ANO3: variants seen among roughly 807,000 people sequenced by gnomAD.
The protein encoded by ANO3 is anoctamin 3.
Under a neutral mutation model 144.8 loss-of-function variants are expected in ANO3, and 99 were observed. That is an observed-to-expected ratio of 0.68 (90% CI 0.58 to 0.81). ANO3 has a LOEUF of 0.81. Among genes scored for constraint, ANO3 ranks in the 30% least tolerant of loss-of-function variants. The probability of loss-of-function intolerance (pLI) is 0.00; values close to 1 mark genes in which losing one functional copy is unlikely to be tolerated. For synonymous variants in ANO3, 414 were observed against 392.6 expected, an observed-to-expected ratio of 1.05 and a Z score of -0.64; for missense variants, 905 against 1,202.2, an observed-to-expected ratio of 0.75 and a Z score of 3.66.
Position 26,482,235 on chromosome 11 carries a change from A to G in ANO3, c.432+19087A>G, listed in dbSNP as rs151221510. On this transcript the variant is annotated intron_variant, in intron 4 of 26. Coordinates refer to ENST00000256737, the MANE Select transcript of ANO3 (RefSeq NM_031418.4). The stretch of plus-strand genomic sequence containing the variant: ...TTTTTTTTAATTTTATTATTATTAT[A>G]CTTTAAGTTTGAGGGTACATGTGCA... Among the ~76,000 whole-genome samples, 1,358 of 151,404 alleles carry G rather than the reference A, an allele frequency of 9.0e-3. 27 individuals carry two copies. The highest frequency in any genetic ancestry group is 0.031 in the African/African-American group (1,293 of 41,280).
rs1194539036 is a variant in ANO3 at position 26,487,198 on chromosome 11, T to C, written c.433-20906T>C. 2.6e-5 allele frequency among the ~76,000 whole-genome samples: 4 copies of C among 152,182 alleles called. 1 individual carries two copies. The highest frequency in any genetic ancestry group is 4.1e-4 in the South Asian group (2 of 4,828). ...GTGGGAGGGACCCAAGGGGAGGTAA[T>C]TGAATCATGGGGGCCAGTCTTTCCC... On this transcript the variant is annotated intron_variant, in intron 4 of 26. Coordinates refer to ENST00000256737, the MANE Select transcript of ANO3 (RefSeq NM_031418.4).
At chr11:26,291,073 CT>C (rs1445381012) in intron 1 of ANO3, among the ~76,000 whole-genome samples, 7 of 152,134 alleles carry the variant, frequency 4.6e-5, no homozygotes, top group Non-Finnish European at 1.0e-4. Flanking sequence ...TAAGGACTTG[CT>C]TTATGAATCT....
intron 1 of ANO3, among the ~76,000 whole-genome samples, chr11:26,399,061 T>G (rs555561073): frequency 5.1e-4 from 77 of 151,852 alleles, no homozygotes; most frequent in Non-Finnish European, 9.4e-4. Flanking sequence ...AGCTTGGAAT[T>G]TCACTCCTAT....
At chr11:26,236,565 T>A (rs1852527687) in intron 1 of ANO3, among the ~76,000 whole-genome samples, 1 of 152,254 alleles carries the variant, frequency 6.6e-6, no homozygotes, top group East Asian at 1.9e-4. Flanking sequence ...ATGCCTGTAA[T>A]CCCAGCACTT....
intron 14 of ANO3, chr11:26,567,058 C>T (rs910782425): frequency 6.6e-7 from 1 of 1,508,846 alleles, no homozygotes; most frequent in Non-Finnish European, 8.9e-7. Context: ...TTACAACAAT[C>T]CCTTGATGTG....
intron 1 of ANO3, among the ~76,000 whole-genome samples, chr11:26,212,903 T>C (rs1851963190): frequency 6.6e-6 from 1 of 152,084 alleles, no homozygotes. Flanking sequence ...GCGAATCAAA[T>C]CTAGCAGCAC....
At chr11:26,476,256 A>G (rs1343449496) in intron 4 of ANO3, among the ~76,000 whole-genome samples, 2 of 152,126 alleles carry the variant, frequency 1.3e-5, no homozygotes, top group African/African-American at 2.4e-5. Flanking sequence ...ACATATAATT[A>G]TCTATTTGAA....
intron 1 of ANO3, among the ~76,000 whole-genome samples, chr11:26,282,301 ATTTTTTTTGTTT>A (rs1012409594): frequency 2.1e-5 from 3 of 143,272 alleles, no homozygotes; most frequent in African/African-American, 8.4e-5. Context: ...ACAGGTTTTC[ATTTTTTTTGTTT>A]TTTTTTTTGT....
Position 26,594,318 on chromosome 11 carries a change from T to C in ANO3, c.1448-4047T>C, listed in dbSNP as rs527689550. On this transcript the variant is annotated intron_variant, in intron 14 of 26. Coordinates refer to ENST00000256737, the MANE Select transcript of ANO3 (RefSeq NM_031418.4). ...CTTTCCTCTGTTGTCATCCTATCAT[T>C]GAACTGACTGAGACGCCAGAGATCA... 5.1e-4 allele frequency among the ~76,000 whole-genome samples: 77 copies of C among 152,292 alleles called. No individual in the cohort carries two copies. The Middle Eastern group carries it at 0.01, about 20-fold the overall frequency.
At chr11:26,193,539 CT>C (rs1851520376) in intron 1 of ANO3, among the ~76,000 whole-genome samples, 1 of 152,100 alleles carries the variant, frequency 6.6e-6, no homozygotes, top group East Asian at 1.9e-4. Flanking sequence ...TTTGATTGCC[CT>C]TTACTTTTTC....
chr11:26,300,644 C>T (rs1436371284), intron 1 of ANO3, among the ~76,000 whole-genome samples: 4 of 152,042 alleles, frequency 2.6e-5, no homozygotes, highest in Non-Finnish European at 5.9e-5. Flanking sequence ...CTAGAAGTTT[C>T]CCTTATAGAT....
At chr11:26,478,708 A>T (rs1439738974) in intron 4 of ANO3, among the ~76,000 whole-genome samples, 1 of 152,158 alleles carries the variant, frequency 6.6e-6, no homozygotes, top group Non-Finnish European at 1.5e-5. Context: ...AAGCAAAACA[A>T]AACTTAACTT....
At position 26,521,947 on chromosome 11, in the gene ANO3, G is replaced by A. The variant is rs554560800; in HGVS notation, c.693-3688G>A. Among the ~76,000 whole-genome samples the A allele has an allele frequency of 7.9e-5, 12 of 152,306 alleles. No individual in the cohort carries two copies. The South Asian group carries it at 2.5e-3, about 32-fold the overall frequency. Reference sequence around the variant, plus strand: ...CGCCTGTAATCCCAGCACTTTGGGAGGCCGAAGCGGGTGGATCAAGAGGTC... The same window carrying A: ...CGCCTGTAATCCCAGCACTTTGGGAAGCCGAAGCGGGTGGATCAAGAGGTC... On this transcript the variant is annotated intron_variant, in intron 6 of 26. Transcript: ENST00000256737.
chr11:26,556,276 TG>T (rs2134236594), intron 13 of ANO3, among the ~76,000 whole-genome samples: 1 of 152,256 alleles, frequency 6.6e-6, no homozygotes, highest in South Asian at 2.1e-4. Flanking sequence ...GGTCCTAAAT[TG>T]TTTTTCATAT....
chr11:26,510,995 G>C (rs1282814684), intron 5 of ANO3, among the ~76,000 whole-genome samples: 1 of 152,154 alleles, frequency 6.6e-6, no homozygotes, highest in Non-Finnish European at 1.5e-5. Context: ...TCTTATTCCT[G>C]AACAGAGAGG....
intron 14 of ANO3, chr11:26,566,951 C>T: frequency 9.1e-7 from 1 of 1,094,840 alleles, no homozygotes; most frequent in Non-Finnish European, 1.2e-6. Context: ...AAAGTAAACA[C>T]TTAATAGATG....
intron 1 of ANO3, among the ~76,000 whole-genome samples, chr11:26,267,068 G>C (rs562993765): frequency 2.2e-3 from 325 of 150,904 alleles, no homozygotes; most frequent in African/African-American, 7.8e-3. Context: ...CTCTAGCCTG[G>C]GTGACAAAGC....
chr11:26,359,925 AT>A (rs1408930628), intron 1 of ANO3, among the ~76,000 whole-genome samples: 1 of 151,696 alleles, frequency 6.6e-6, no homozygotes, highest in Non-Finnish European at 1.5e-5. Flanking sequence ...ATATAAATGT[AT>A]GCATATATTG....
intron 26 of ANO3, 83 bp from the exon 27 acceptor site, chr11:26,660,178 TG>T: frequency 7.9e-7 from 1 of 1,271,590 alleles, no homozygotes; most frequent in Non-Finnish European, 1.1e-6. Context: ...TCAAGGCAAA[TG>T]CAACATTGTT....
Sources: allele counts gnomAD v4.1 joint callset (sites outside exome capture counted in the v4.1 genomes callset), GRCh38; gene constraint gnomAD v4.1.1; transcripts MANE v1.5; gene names NCBI Gene and HGNC (gene_info 2026-07-23, HGNC 2026-07-21).